RBFOX1: variants seen among roughly 807,000 people sequenced by gnomAD.
RBFOX1 encodes the protein RNA binding fox-1 homolog 1, also known as RNA binding protein fox-1 homolog 1.
Under a neutral mutation model 57.7 loss-of-function variants are expected in RBFOX1, and 8 were observed. That is an observed-to-expected ratio of 0.14 (90% CI 0.08 to 0.25). The LOEUF (loss-of-function observed/expected upper bound fraction) is 0.25. Among genes scored for constraint, RBFOX1 ranks in the 10% least tolerant of loss-of-function variants. RBFOX1 has a pLI of 1.00. For synonymous variants in RBFOX1, 326 were observed against 222.4 expected, an observed-to-expected ratio of 1.47 and a Z score of -4.15; for missense variants, 611 against 548.5, an observed-to-expected ratio of 1.11 and a Z score of -1.14.
chr16:6,740,067 C>T (rs28854895), intron 3 of RBFOX1, among the ~76,000 whole-genome samples: 3 of 151,994 alleles, frequency 2.0e-5, no homozygotes, highest in Admixed American at 6.6e-5. Context: ...GACTTATGCA[C>T]CCCAACCTAA....
At chr16:7,301,339 G>A (rs2096026656) in intron 4 of RBFOX1, among the ~76,000 whole-genome samples, 1 of 152,216 alleles carries the variant, frequency 6.6e-6, no homozygotes, top group Admixed American at 6.5e-5. Flanking sequence ...GAGATGTTCA[G>A]GTTTAGTTAT....
intron 4 of RBFOX1, among the ~76,000 whole-genome samples, chr16:7,085,670 G>C (rs1033223600): frequency 6.6e-6 from 1 of 152,172 alleles, no homozygotes; most frequent in Non-Finnish European, 1.5e-5. Flanking sequence ...TTTTGTCCCT[G>C]TGCAAATTGA....
intron 3 of RBFOX1, among the ~76,000 whole-genome samples, chr16:5,608,027 C>T (rs903787787): frequency 2.0e-5 from 3 of 152,144 alleles, no homozygotes; most frequent in African/African-American, 7.2e-5. Context: ...GGGAATATAC[C>T]TAGGAGTGTG....
intron 4 of RBFOX1, among the ~76,000 whole-genome samples, chr16:7,204,757 C>T (rs556483620): frequency 6.6e-6 from 1 of 152,160 alleles, no homozygotes; most frequent in Non-Finnish European, 1.5e-5. Flanking sequence ...TTTTCTCCCC[C>T]TCTCCCCAAT....
At chr16:7,280,827 C>G (rs892316861) in intron 4 of RBFOX1, among the ~76,000 whole-genome samples, 1 of 152,086 alleles carries the variant, frequency 6.6e-6, no homozygotes, top group South Asian at 2.1e-4. Context: ...CCAGTATCCC[C>G]TGGGGTGCAA....
At chr16:5,352,065 C>T (rs2065274003) in intron 1 of RBFOX1, among the ~76,000 whole-genome samples, 1 of 152,168 alleles carries the variant, frequency 6.6e-6, no homozygotes, top group Admixed American at 6.5e-5. Flanking sequence ...CTCAGCCTCC[C>T]AAAGTGCTGG....
At chr16:6,633,985 A>G (rs1482014957) in intron 2 of RBFOX1, among the ~76,000 whole-genome samples, 2 of 152,182 alleles carry the variant, frequency 1.3e-5, no homozygotes, top group Non-Finnish European at 2.9e-5. Flanking sequence ...ACTGCTGTCC[A>G]GACTGGACAA....
intron 1 of RBFOX1, among the ~76,000 whole-genome samples, chr16:6,045,168 A>T (rs1252815721): frequency 1.3e-5 from 2 of 152,218 alleles, no homozygotes; most frequent in Admixed American, 1.3e-4. Context: ...GCAGATGCTG[A>T]TTCAGTAAGT....
At position 6,818,656 on chromosome 16, in the gene RBFOX1, C is replaced by A. The variant is rs976498511; in HGVS notation, c.-16+164006C>A. Among the ~76,000 whole-genome samples the A allele has an allele frequency of 2.0e-5, 3 of 152,056 alleles. No homozygotes were observed. The South Asian group carries it at 6.2e-4, about 32-fold the overall frequency. On this transcript the variant is annotated intron_variant, in intron 3 of 15. Transcript: ENST00000550418. Reference sequence around the variant, plus strand: ...TGAATAGCTGCTATTATTCATTTTTCCCCCCTTCTTCTGGTAAAGCCCCTT... The same window carrying A: ...TGAATAGCTGCTATTATTCATTTTTACCCCCTTCTTCTGGTAAAGCCCCTT...
At chr16:7,051,954 G>A (rs1002165323) in intron 3 of RBFOX1, 103 bp from the exon 4 acceptor site, 2 of 1,497,850 alleles carry the variant, frequency 1.3e-6, no homozygotes. Flanking sequence ...TTAATTATGG[G>A]TTTTCTTTGA....
intron 4 of RBFOX1, among the ~76,000 whole-genome samples, chr16:7,117,771 A>G (rs2066234230): frequency 6.6e-6 from 1 of 152,174 alleles, no homozygotes; most frequent in African/African-American, 2.4e-5. Flanking sequence ...AATAGACTGC[A>G]GTCAGGGTAT....
At chr16:5,431,149 C>A (rs1359119805) in intron 1 of RBFOX1, among the ~76,000 whole-genome samples, 1 of 152,174 alleles carries the variant, frequency 6.6e-6, no homozygotes, top group East Asian at 1.9e-4. Flanking sequence ...GTGACAGCTA[C>A]TGAGGCTGTT....
intron 3 of RBFOX1, among the ~76,000 whole-genome samples, chr16:5,666,434 T>C (rs373013223): frequency 3.3e-5 from 5 of 152,196 alleles, no homozygotes; most frequent in Admixed American, 6.5e-5. Flanking sequence ...CTGAATTCCA[T>C]TGAATTCACT....
At chr16:7,167,825 C>G (rs2079875826) in intron 4 of RBFOX1, among the ~76,000 whole-genome samples, 1 of 151,252 alleles carries the variant, frequency 6.6e-6, no homozygotes, top group Non-Finnish European at 1.5e-5. Flanking sequence ...CAAAAACCAT[C>G]TGGCCTGCAA....
chr16:7,095,732 A>T (rs1268650895), intron 4 of RBFOX1, among the ~76,000 whole-genome samples: 1 of 152,158 alleles, frequency 6.6e-6, no homozygotes, highest in Admixed American at 6.5e-5. Context: ...CCTTGTTAAG[A>T]AAATATGGAG....
intron 3 of RBFOX1, among the ~76,000 whole-genome samples, chr16:6,668,789 G>C (rs2098747641): frequency 6.9e-6 from 1 of 144,350 alleles, no homozygotes; most frequent in South Asian, 2.4e-4. Context: ...ATTTTCATGT[G>C]CCACTTATTT....
chr16:7,181,482 A>T (rs1436025707), intron 4 of RBFOX1, among the ~76,000 whole-genome samples: 1 of 151,610 alleles, frequency 6.6e-6, no homozygotes, highest in Non-Finnish European at 1.5e-5. Flanking sequence ...CTAAAAGAGA[A>T]TTAACTAAAT....
intron 2 of RBFOX1, among the ~76,000 whole-genome samples, chr16:5,469,629 C>T (rs1008205599): frequency 3.0e-4 from 45 of 152,148 alleles, no homozygotes; most frequent in Non-Finnish European, 1.5e-4. Context: ...TTGTCACCCC[C>T]AAAGGAGACC....
chr16:7,639,363 G>T (rs1217675434), intron 11 of RBFOX1, among the ~76,000 whole-genome samples: 2 of 152,202 alleles, frequency 1.3e-5, no homozygotes, highest in African/African-American at 4.8e-5. Flanking sequence ...CTATGGTTCA[G>T]CATTACGGTG....
Sources: gnomAD v4.1 joint callset for allele counts (sites outside exome capture counted in the v4.1 genomes callset) on GRCh38, gnomAD v4.1.1 for gene constraint, MANE v1.5 for transcripts, NCBI Gene and HGNC (gene_info 2026-07-23, HGNC 2026-07-21) for gene names.